Variants in TAS2R1 observed in about 807,000 individuals in gnomAD.
TAS2R1 encodes taste 2 receptor member 1.
For synonymous variants in TAS2R1, 141 were observed against 134.2 expected (o/e 1.05, Z -0.35); for missense variants, 370 against 353.4 (o/e 1.05, Z -0.38).
chr5:9,770,971 G>C, the TAS2R1 span, among the ~76,000 whole-genome samples: 1 of 152,110 alleles, frequency 6.6e-6, no homozygotes, highest in African/African-American at 2.4e-5. Flanking sequence ...TTGTCATGTT[G>C]CAGATCAGAA....
chr5:9,631,610 A>T (rs1490495439), upstream of TAS2R1, among the ~76,000 whole-genome samples: 1 of 152,240 alleles, frequency 6.6e-6, no homozygotes, highest in Non-Finnish European at 1.5e-5. Flanking sequence ...CACTGGGGGA[A>T]TTAAAGCTTC....
chr5:9,833,849 T>A, the TAS2R1 span, among the ~76,000 whole-genome samples: 1 of 152,212 alleles, frequency 6.6e-6, no homozygotes, highest in Non-Finnish European at 1.5e-5. Context: ...TCCTGTTGCA[T>A]GTGAGAATTG....
the TAS2R1 span, among the ~76,000 whole-genome samples, chr5:9,763,159 A>G: frequency 7.5e-3 from 1,140 of 152,354 alleles, 16 homozygotes; most frequent in African/African-American, 0.026. Flanking sequence ...ATTTTTAATT[A>G]AACTGAAGAA....
At chr5:9,640,177 G>A (rs1249889678) in intron 2 of TAS2R1, among the ~76,000 whole-genome samples, 1 of 151,980 alleles carries the variant, frequency 6.6e-6, no homozygotes, top group Non-Finnish European at 1.5e-5. Context: ...ATTGTTGCAA[G>A]TCAGGGAATA....
At chr5:9,719,365 T>C in the TAS2R1 span, among the ~76,000 whole-genome samples, 2 of 152,228 alleles carry the variant, frequency 1.3e-5, no homozygotes, top group Non-Finnish European at 2.9e-5. Flanking sequence ...ATTTTTGGTT[T>C]TGCAACCTTC....
At chr5:9,748,314 G>T in the TAS2R1 span, among the ~76,000 whole-genome samples, 13 of 152,042 alleles carry the variant, frequency 8.6e-5, no homozygotes, top group African/African-American at 2.9e-4. Flanking sequence ...CTCACTGCAG[G>T]TCTAAATTTA....
chr5:9,753,319 A>T, the TAS2R1 span, among the ~76,000 whole-genome samples: 8 of 152,208 alleles, frequency 5.3e-5, no homozygotes, highest in South Asian at 6.2e-4. Context: ...GCATTTTTTC[A>T]TGTGTCTTTT....
the TAS2R1 span, among the ~76,000 whole-genome samples, chr5:9,841,601 AT>A: frequency 6.6e-6 from 1 of 152,142 alleles, no homozygotes; most frequent in Non-Finnish European, 1.5e-5. Flanking sequence ...CCACTCTGTT[AT>A]TCTATTTTCT....
chr5:9,760,657 A>G, the TAS2R1 span, among the ~76,000 whole-genome samples: 1 of 152,210 alleles, frequency 6.6e-6, no homozygotes, highest in Non-Finnish European at 1.5e-5. Context: ...CATGATGAAA[A>G]TCCTCAGTAC....
chr5:9,728,435 T>G, the TAS2R1 span, among the ~76,000 whole-genome samples: 2 of 152,262 alleles, frequency 1.3e-5, no homozygotes, highest in Non-Finnish European at 2.9e-5. Context: ...CAAAATAGTC[T>G]TTTACACAGT....
chr5:9,713,467 A>C (rs10036676), upstream of TAS2R1, among the ~76,000 whole-genome samples: 34,835 of 151,538 alleles, frequency 0.23, 4,686 homozygotes, highest in African/African-American at 0.38. Context: ...TAATTATGCG[A>C]CTCCCACCCC....
the TAS2R1 span, among the ~76,000 whole-genome samples, chr5:9,778,127 G>A: frequency 2.9e-4 from 44 of 152,214 alleles, no homozygotes; most frequent in African/African-American, 8.7e-4. Flanking sequence ...TGATCCACCT[G>A]CCTCGGCCTC....
At chr5:9,790,425 T>C in the TAS2R1 span, among the ~76,000 whole-genome samples, 1 of 152,194 alleles carries the variant, frequency 6.6e-6, no homozygotes. Flanking sequence ...CACATCGGTG[T>C]AGCAACTGGG....
At chr5:9,729,189 A>G in the TAS2R1 span, among the ~76,000 whole-genome samples, 1 of 152,184 alleles carries the variant, frequency 6.6e-6, no homozygotes, top group African/African-American at 2.4e-5. Flanking sequence ...TGTGCTTAGC[A>G]GGGGGGCAGT....
At chr5:9,868,189 G>C in the TAS2R1 span, among the ~76,000 whole-genome samples, 1 of 152,322 alleles carries the variant, frequency 6.6e-6, no homozygotes, top group East Asian at 1.9e-4. Flanking sequence ...AGCTCCACTA[G>C]GCAGTGCTCC....
At chr5:9,636,977 A>G (rs1036945469) in intron 2 of TAS2R1, among the ~76,000 whole-genome samples, 1 of 51,100 alleles carries the variant, frequency 2.0e-5, no homozygotes, top group Non-Finnish European at 4.6e-5. Context: ...TTGTTGCCTT[A>G]ATACCTTGTT....
chr5:9,881,197 A>G, the TAS2R1 span, among the ~76,000 whole-genome samples: 3 of 152,018 alleles, frequency 2.0e-5, no homozygotes, highest in Non-Finnish European at 2.9e-5. Flanking sequence ...AAGCATTCCT[A>G]TATACAAGCA....
chr5:9,832,469 G>A, the TAS2R1 span, among the ~76,000 whole-genome samples: 39,904 of 152,150 alleles, frequency 0.26, 6,529 homozygotes, highest in Non-Finnish European at 0.37. Context: ...GGACCTTTCC[G>A]CCATCTTCTG....
At chr5:9,718,324 C>T in the TAS2R1 span, among the ~76,000 whole-genome samples, 1 of 151,880 alleles carries the variant, frequency 6.6e-6, no homozygotes. Flanking sequence ...ACATACATTG[C>T]AAATAGAAGA....
Sources: allele counts gnomAD v4.1 joint callset (sites outside exome capture counted in the v4.1 genomes callset), GRCh38; gene constraint gnomAD v4.1.1; transcripts MANE v1.5; gene names NCBI Gene and HGNC (gene_info 2026-07-23, HGNC 2026-07-21).